Variants in STYK1 observed in about 807,000 individuals in gnomAD.
The protein encoded by STYK1 is tyrosine-protein kinase STYK1.
Under a neutral mutation model 48.1 loss-of-function variants are expected in STYK1, and 46 were observed. The ratio of observed to expected loss-of-function variants is 0.96; its 90% CI spans 0.75 to 1.22. STYK1 has a LOEUF of 1.22. STYK1 is among the 50% of genes most tolerant of loss of function. The pLI, the probability that STYK1 is intolerant of heterozygous loss-of-function variation, is 0.00. For missense variants in STYK1, 527 were observed against 521.1 expected, an observed-to-expected ratio of 1.01 and a Z score of -0.11; for synonymous variants, 188 against 189.0, an observed-to-expected ratio of 0.99 and a Z score of 0.04.
intron 1 of STYK1, among the ~76,000 whole-genome samples, chr12:10,662,782 C>A (rs1490318295): frequency 6.6e-6 from 1 of 152,014 alleles, no homozygotes; most frequent in Admixed American, 6.6e-5. Context: ...ATATCATATG[C>A]AATATTTTCT....
intron 1 of STYK1, among the ~76,000 whole-genome samples, chr12:10,642,426 A>G (rs1034394392): frequency 2.0e-5 from 3 of 152,226 alleles, no homozygotes; most frequent in Admixed American, 1.3e-4. Flanking sequence ...AGAGCTATGC[A>G]GCATAATTTC....
intron 1 of STYK1, among the ~76,000 whole-genome samples, chr12:10,647,624 T>A (rs1947614861): frequency 6.6e-6 from 1 of 152,112 alleles, no homozygotes; most frequent in Non-Finnish European, 1.5e-5. Context: ...CAATATTGGT[T>A]TTGAAATGTG....
At chr12:10,626,572 C>T (rs1378577018) in intron 7 of STYK1, among the ~76,000 whole-genome samples, 2 of 152,104 alleles carry the variant, frequency 1.3e-5, no homozygotes, top group African/African-American at 4.8e-5. Context: ...CACAGAACCC[C>T]GATTTTCCAT....
chr12:10,631,455 A>G (rs1474069223), intron 4 of STYK1, 147 bp from the exon 5 acceptor site: 1 of 1,003,524 alleles, frequency 1.0e-6, no homozygotes, highest in Non-Finnish European at 1.4e-6. Flanking sequence ...TCTATAAACC[A>G]GCATCAATGT....
chr12:10,622,468 A>T (rs1372105086), intron 9 of STYK1, among the ~76,000 whole-genome samples, 170 bp downstream of exon 9: 1 of 152,204 alleles, frequency 6.6e-6, no homozygotes, highest in Non-Finnish European at 1.5e-5. Flanking sequence ...AGGAGAAAAT[A>T]ATCACTTTAT....
chr12:10,630,451 G>A (rs961684353), intron 5 of STYK1, among the ~76,000 whole-genome samples: 5 of 142,928 alleles, frequency 3.5e-5, no homozygotes, highest in Non-Finnish European at 7.7e-5. Flanking sequence ...AAAGTAAAAT[G>A]AGGAAACAAC....
rs902022830 is a variant in STYK1 at position 10,627,009 on chromosome 12, A to T, written c.717+632T>A. Among the ~76,000 whole-genome samples, 11 of 152,326 alleles carry T rather than the reference A, an allele frequency of 7.2e-5. 1 individual carries two copies. The South Asian group carries it at 1.5e-3, about 20-fold the overall frequency. On this transcript the variant is annotated intron_variant, in intron 7 of 10. Coordinates refer to ENST00000075503, the MANE Select transcript of STYK1 (RefSeq NM_018423.3). ...GCAACTGAGCAAGACTCCATCTCAAAAAATAAATAAATAAATAAACAAATA... is the reference window on the plus strand; with the variant it reads ...GCAACTGAGCAAGACTCCATCTCAATAAATAAATAAATAAATAAACAAATA...
intron 1 of STYK1, among the ~76,000 whole-genome samples, chr12:10,654,574 C>T (rs1408791199): frequency 1.3e-5 from 2 of 152,066 alleles, no homozygotes; most frequent in African/African-American, 2.4e-5. Flanking sequence ...TATGTTTTGC[C>T]CAGGTAAAGG....
At chr12:10,657,363 T>C (rs937298064) in intron 1 of STYK1, among the ~76,000 whole-genome samples, 2 of 152,234 alleles carry the variant, frequency 1.3e-5, no homozygotes, top group Non-Finnish European at 2.9e-5. Context: ...ATATGTGTTG[T>C]ATGTGTAACA....
intron 1 of STYK1, among the ~76,000 whole-genome samples, chr12:10,656,292 T>TGACA (rs1403412956): frequency 6.6e-6 from 1 of 151,970 alleles, no homozygotes; most frequent in East Asian, 1.9e-4. Context: ...CTTTTGTAAA[T>TGACA]TGTCCAGTCT....
At chr12:10,673,331 C>A (rs931168478) in intron 1 of STYK1, among the ~76,000 whole-genome samples, 4 of 151,732 alleles carry the variant, frequency 2.6e-5, no homozygotes, top group Non-Finnish European at 4.4e-5. Context: ...GAACCGAGAT[C>A]GCGCCATTGC....
chr12:10,665,006 G>A (rs894318487), intron 1 of STYK1, among the ~76,000 whole-genome samples: 36 of 152,198 alleles, frequency 2.4e-4, no homozygotes, highest in African/African-American at 8.7e-4. Context: ...CTAATCAGAT[G>A]TGGGACCTTC....
chr12:10,641,458 C>G (rs913262704), intron 1 of STYK1, among the ~76,000 whole-genome samples: 3 of 152,228 alleles, frequency 2.0e-5, no homozygotes, highest in Non-Finnish European at 4.4e-5. Flanking sequence ...TCTGGCCACT[C>G]TTCCAGCCTG....
chr12:10,635,851 G>T (rs1028905891), intron 2 of STYK1, among the ~76,000 whole-genome samples: 1 of 152,196 alleles, frequency 6.6e-6, no homozygotes, highest in African/African-American at 2.4e-5. Flanking sequence ...GTTTACCACT[G>T]TCCCATACCT....
chr12:10,642,552 T>C (rs1591688332), intron 1 of STYK1, among the ~76,000 whole-genome samples: 1 of 152,138 alleles, frequency 6.6e-6, no homozygotes, highest in Non-Finnish European at 1.5e-5. Context: ...CACATAGCTG[T>C]ATCAATCAGG....
chr12:10,625,577 C>T (rs1363507971), intron 7 of STYK1, among the ~76,000 whole-genome samples: 1 of 152,062 alleles, frequency 6.6e-6, no homozygotes, highest in African/African-American at 2.4e-5. Context: ...AATTGAGTAT[C>T]ATAATGAAAA....
intron 2 of STYK1, among the ~76,000 whole-genome samples, chr12:10,635,336 A>C (rs780209398): frequency 1.6e-4 from 25 of 152,376 alleles, no homozygotes; most frequent in Non-Finnish European, 2.6e-4. Flanking sequence ...TCAGATAACA[A>C]ATAAAAAATT....
chr12:10,620,177 C>T lies in STYK1; in HGVS notation c.1236G>A (p.Val412=). The change falls in exon 11 of 11, where the codon GTG becomes GTA. Residue 412 remains valine, a synonymous_variant. Transcript: ENST00000075503. The stretch of plus-strand genomic sequence containing the variant: ...TGCTATAGTTGTAGAAGAGGCTCTC[C>T]ACTCTGATGCCGGCCACAGCTGCAT... ...ELYAAVAGIR[V]ESLFYNYSML is the part of the protein sequence containing the mutation. The T allele has an allele frequency of 6.2e-7, 1 of 1,614,226 alleles. No homozygotes were observed. Among genetic ancestry groups the T allele is most frequent in the Non-Finnish European group, 8.5e-7 (1 of 1,180,052 alleles).
At chr12:10,658,710 G>A (rs372084412) in intron 1 of STYK1, among the ~76,000 whole-genome samples, 56 of 152,278 alleles carry the variant, frequency 3.7e-4, no homozygotes, top group Middle Eastern at 6.8e-3. Context: ...CATACAGGAA[G>A]CATTATAAAA....
Sources: allele counts gnomAD v4.1 joint callset (sites outside exome capture counted in the v4.1 genomes callset), GRCh38; gene constraint gnomAD v4.1.1; transcripts MANE v1.5; gene names NCBI Gene and HGNC (gene_info 2026-07-23, HGNC 2026-07-21).